Variants in ATP2B2 observed in about 807,000 individuals in gnomAD.
ATP2B2 encodes the protein plasma membrane calcium-transporting ATPase 2.
Under a neutral mutation model 120.0 loss-of-function variants are expected in ATP2B2, and 15 were observed. The observed-to-expected ratio is 0.12, with a 90% confidence interval of 0.08 to 0.19. The LOEUF is 0.19. Ranked by LOEUF, ATP2B2 falls within the 10% of genes least tolerant of loss-of-function variation. ATP2B2 has a pLI of 1.00. For synonymous variants in ATP2B2, 694 were observed against 700.3 expected (o/e 0.99, Z 0.14); for missense variants, 1,045 against 1,719.8 (o/e 0.61, Z 6.94).
chr3:10,553,974 G>A (rs1230423891), intron 2 of ATP2B2, among the ~76,000 whole-genome samples: 1 of 148,948 alleles, frequency 6.7e-6, no homozygotes, highest in Non-Finnish European at 1.5e-5. Flanking sequence ...TAATGAGCAG[G>A]AGCGGTACAC....
At chr3:10,672,671 G>C (rs764356877) in intron 1 of ATP2B2, among the ~76,000 whole-genome samples, 3 of 152,154 alleles carry the variant, frequency 2.0e-5, no homozygotes, top group Non-Finnish European at 4.4e-5. Context: ...ATCCAACCAG[G>C]GTGTGCTGAA....
At chr3:10,575,406 T>A (rs538626548) in intron 2 of ATP2B2, among the ~76,000 whole-genome samples, 1 of 152,286 alleles carries the variant, frequency 6.6e-6, no homozygotes, top group African/African-American at 2.4e-5. Flanking sequence ...GAAAATGACC[T>A]CCTAGAGTTC....
chr3:10,398,344 C>T (rs2062110542), intron 5 of ATP2B2, among the ~76,000 whole-genome samples: 1 of 152,218 alleles, frequency 6.6e-6, no homozygotes, highest in African/African-American at 2.4e-5. Flanking sequence ...TCTAGACGCC[C>T]CAGGCGTCTT....
rs553237196 is a variant in ATP2B2 at position 10,531,486 on chromosome 3, T to G, written c.-320+2553A>C. ...TGTACAATGGGGATAAGAATGGTCA[T>G]GCCTGTCTTATGGGGCTGTTGTGAG... On this transcript the variant is annotated intron_variant, in intron 3 of 21. Coordinates refer to the ATP2B2 transcript ENST00000646379. Among the ~76,000 whole-genome samples the G allele has an allele frequency of 4.6e-5, 7 of 152,360 alleles. 1 individual carries two copies. In the East Asian group the frequency reaches 1.3e-3, roughly 29 times the overall value.
intron 2 of ATP2B2, among the ~76,000 whole-genome samples, chr3:10,610,076 TACACACACACACAC>T (rs34843797): frequency 6.8e-6 from 1 of 146,610 alleles, no homozygotes; most frequent in African/African-American, 2.5e-5. Flanking sequence ...TATACACACA[TACACACACACACAC>T]ACACACACAC....
intron 2 of ATP2B2, among the ~76,000 whole-genome samples, chr3:10,612,713 A>C (rs2069275077): frequency 6.6e-6 from 1 of 152,176 alleles, no homozygotes; most frequent in African/African-American, 2.4e-5. Context: ...GAACATTTTA[A>C]AGTTAACACA....
At chr3:10,388,894 A>G (rs1193717388) in intron 5 of ATP2B2, among the ~76,000 whole-genome samples, 1 of 152,194 alleles carries the variant, frequency 6.6e-6, no homozygotes, top group African/African-American at 2.4e-5. Context: ...CTTGTTATTC[A>G]GTGTTCTAAT....
At chr3:10,480,906 G>C (rs1231235785) in intron 1 of ATP2B2, among the ~76,000 whole-genome samples, 1 of 152,252 alleles carries the variant, frequency 6.6e-6, no homozygotes, top group African/African-American at 2.4e-5. Context: ...CCTCAGTGGG[G>C]TCTGCAAGGC....
chr3:10,356,545 G>A (rs1426939988), intron 14 of ATP2B2, among the ~76,000 whole-genome samples: 1 of 152,176 alleles, frequency 6.6e-6, no homozygotes, highest in African/African-American at 2.4e-5. Flanking sequence ...GTGCGTCATG[G>A]TCAAATAACA....
chr3:10,544,219 A>C (rs868723344), intron 2 of ATP2B2, among the ~76,000 whole-genome samples: 2 of 152,126 alleles, frequency 1.3e-5, no homozygotes, highest in Non-Finnish European at 1.5e-5. Flanking sequence ...AAGTTTAAAC[A>C]ATTTTCTTAA....
rs2070227636 is a variant in ATP2B2, at chr3:10,643,398, C to T, written c.-459-23437G>A. On this transcript the variant is annotated intron_variant, in intron 1 of 21. Coordinates refer to the ATP2B2 transcript ENST00000646379. ...ATCAAGCAAGAATAATCAATGAAGG[C>T]CAAGCCTAGGGGAAACTTTGTGGAG... is the stretch of plus-strand genomic sequence containing the variant. Among the ~76,000 whole-genome samples, 3 of 152,128 alleles carry T rather than the reference C, an allele frequency of 2.0e-5. No individual in the cohort carries two copies. The South Asian group carries it at 6.2e-4, about 32-fold the overall frequency.
chr3:10,594,968 C>A (rs76140762), intron 2 of ATP2B2, among the ~76,000 whole-genome samples: 40 of 152,372 alleles, frequency 2.6e-4, no homozygotes, highest in African/African-American at 8.7e-4. Flanking sequence ...GATACTCACA[C>A]TCAGTCCAGA....
intron 1 of ATP2B2, among the ~76,000 whole-genome samples, chr3:10,651,756 GAT>G (rs2070471304): frequency 6.6e-6 from 1 of 151,962 alleles, no homozygotes; most frequent in East Asian, 1.9e-4. Flanking sequence ...TGGATGGATG[GAT>G]GGATGGATGG....
rs367979001 is a variant in ATP2B2 at position 10,655,574 on chromosome 3, G to A, written c.-459-35613C>T. Among the ~76,000 whole-genome samples the A allele has an allele frequency of 7.0e-4, 106 of 152,250 alleles. 2 individuals are homozygous for A. The South Asian group carries it at 0.021, about 31-fold the overall frequency. On this transcript the variant is annotated intron_variant, in intron 1 of 21. Coordinates refer to the ATP2B2 transcript ENST00000646379. ...GCCTGGCAATTAGTAGAAATGCCAG[G>A]TCCCAGAGCCCATCAAATCCACAGT...
In ATP2B2 at chr3:10,375,759, C is replaced by T. The variant is rs1271844458; in HGVS notation, c.1202-115G>A. 1.1e-6 allele frequency: 1 copy of T among 880,332 alleles called. No homozygotes were observed. The highest frequency in any genetic ancestry group is 2.6e-5 in the East Asian group (1 of 37,778). The allele number at this position is 880,332 out of a possible 1,614,324, so 54.5% of individuals were successfully genotyped here. ...GTCAGGCTGACCCCAGCTCACCTCC[C>T]AGCTCTGCCACTCCTTGCTTTATGA... On this transcript the variant is annotated intron_variant, in intron 10 of 22. Coordinates refer to ENST00000360273, the MANE Select transcript of ATP2B2 (RefSeq NM_001001331.4). The surrounding 1 kb of genome is among the most constrained non-coding windows in gnomAD (Gnocchi z 4.2).
chr3:10,444,987 G>C (rs1244933869), intron 2 of ATP2B2, among the ~76,000 whole-genome samples: 1 of 152,232 alleles, frequency 6.6e-6, no homozygotes, highest in Admixed American at 6.5e-5. Context: ...CCTGCCTCTA[G>C]GCCTCCCGGA....
chr3:10,450,524 G>A (rs1281519163), intron 1 of ATP2B2, among the ~76,000 whole-genome samples: 4 of 152,054 alleles, frequency 2.6e-5, no homozygotes, highest in South Asian at 4.2e-4. Context: ...ATGGGAGAAA[G>A]CCCCCACCTG....
chr3:10,652,609 T>G (rs757283164), intron 1 of ATP2B2, among the ~76,000 whole-genome samples: 1 of 152,114 alleles, frequency 6.6e-6, no homozygotes, highest in East Asian at 1.9e-4. Flanking sequence ...TTCCTGAGTA[T>G]ATACCAAAAA....
intron 2 of ATP2B2, among the ~76,000 whole-genome samples, chr3:10,539,914 C>T (rs1054320098): frequency 6.6e-6 from 1 of 152,140 alleles, no homozygotes; most frequent in Non-Finnish European, 1.5e-5. Flanking sequence ...AAGAAACTAC[C>T]ATCAGAGTGA....
Sources: allele counts gnomAD v4.1 joint callset (sites outside exome capture counted in the v4.1 genomes callset), GRCh38; gene constraint gnomAD v4.1.1; non-coding constraint Gnocchi (gnomAD v3.1); transcripts MANE v1.5; gene names NCBI Gene and HGNC (gene_info 2026-07-23, HGNC 2026-07-21).